Variants in APBA1 observed in about 807,000 individuals in gnomAD.
The protein encoded by APBA1 is amyloid-beta A4 precursor protein-binding family A member 1.
Under a neutral mutation model 86.6 loss-of-function variants are expected in APBA1, and 55 were observed. The observed-to-expected ratio is 0.64, with a 90% confidence interval of 0.51 to 0.80. APBA1 has a LOEUF of 0.80. APBA1 is among the 30% of genes least tolerant of loss of function. The pLI is 0.00. For synonymous variants in APBA1, 511 were observed against 493.9 expected, an observed-to-expected ratio of 1.03 and a Z score of -0.46; for missense variants, 1,090 against 1,183.0, an observed-to-expected ratio of 0.92 and a Z score of 1.15.
At chr9:69,483,558 A>G (rs1835558174) in intron 2 of APBA1, among the ~76,000 whole-genome samples, 1 of 152,172 alleles carries the variant, frequency 6.6e-6, no homozygotes, top group Admixed American at 6.5e-5. Context: ...TTTTCCAAAA[A>G]GTCTGAATTA....
intron 1 of APBA1, among the ~76,000 whole-genome samples, chr9:69,558,318 A>G (rs865835800): frequency 6.6e-6 from 1 of 152,222 alleles, no homozygotes; most frequent in East Asian, 1.9e-4. Context: ...ATCTGTTAAT[A>G]AATTATACTT....
chr9:69,531,566 C>T (rs1007255054), intron 1 of APBA1, among the ~76,000 whole-genome samples: 1 of 152,160 alleles, frequency 6.6e-6, no homozygotes, highest in Admixed American at 6.5e-5. Context: ...GCCTTGTCCT[C>T]CCTTTTGCCT....
intron 1 of APBA1, among the ~76,000 whole-genome samples, chr9:69,610,799 G>T (rs10867830): frequency 6.6e-6 from 1 of 151,906 alleles, no homozygotes; most frequent in Admixed American, 6.5e-5. Flanking sequence ...AGGCATGCCA[G>T]GTTCTCCAGG....
intron 1 of APBA1, among the ~76,000 whole-genome samples, chr9:69,548,428 A>T (rs1172514751): frequency 6.6e-6 from 1 of 152,174 alleles, no homozygotes; most frequent in Non-Finnish European, 1.5e-5. Context: ...GTTTTATGTC[A>T]CTACGTTTGT....
chr9:69,599,206 T>C (rs1448667075), intron 1 of APBA1, among the ~76,000 whole-genome samples: 1 of 152,244 alleles, frequency 6.6e-6, no homozygotes, highest in African/African-American at 2.4e-5. Flanking sequence ...GTAAATTTTA[T>C]ATTACATATA....
intron 5 of APBA1, among the ~76,000 whole-genome samples, chr9:69,459,794 C>T (rs1238817568): frequency 6.6e-6 from 1 of 152,222 alleles, no homozygotes; most frequent in African/African-American, 2.4e-5. Context: ...ATCTACCTCA[C>T]AGGGATATTT....
intron 1 of APBA1, among the ~76,000 whole-genome samples, chr9:69,555,314 T>A (rs935190722): frequency 6.6e-6 from 1 of 152,314 alleles, no homozygotes; most frequent in East Asian, 1.9e-4. Context: ...TGGTGCTAGA[T>A]ACCACACACC....
chr9:69,516,266 C>G lies in APBA1; in HGVS notation c.945G>C (p.Gly315=), dbSNP rs1836143644. ...TPAGGRPDSP[G]LQAPAGQQRA... is the part of the protein sequence containing the mutation. ...GCTGCTGCCCCGCCGGCGCCTGCAG[C>G]CCGGGGCTGTCGGGGCGACCCCCGG... The change falls in exon 2 of 13, where the codon GGG becomes GGC. Residue 315 remains glycine (G), a synonymous_variant. Transcript: ENST00000265381. This position sits in a 1 kb window ranked among gnomAD's most constrained non-coding sequence, Gnocchi z 7.3. 4 of 1,437,452 alleles carry G rather than the reference C, an allele frequency of 2.8e-6. No homozygotes were observed. In the East Asian group the frequency reaches 1.1e-4, roughly 41 times the overall value. 89.0% of individuals were successfully genotyped at this position (1,437,452 alleles called of 1,614,324 possible).
At position 69,672,282 on chromosome 9, in the gene APBA1, A is replaced by AGCGGCC. The variant is rs2134036986; in HGVS notation, c.-200_-199insGGCCGC. 1 of 176,320 alleles carries AGCGGCC rather than the reference A, an allele frequency of 5.7e-6. No individual in the cohort carries two copies. The highest frequency in any genetic ancestry group is 1.7e-4 in the East Asian group (1 of 5,850). The allele number at this position is 176,320 out of a possible 1,614,324, so 10.9% of individuals were successfully genotyped here. A position where few individuals can be genotyped will look rare whatever the true frequency, so the allele number is the denominator to read the frequency against. ...CAGCGCCACCATCTTCTCCCGCCGC[A>AGCGGCC]GCTGCCGCCGCCGCCGCCGCCGCCG... On this transcript the variant is annotated 5_prime_UTR_variant, in exon 1 of 13. Transcript: ENST00000265381.
At chr9:69,643,121 A>G (rs538459395) in intron 1 of APBA1, among the ~76,000 whole-genome samples, 10 of 152,150 alleles carry the variant, frequency 6.6e-5, no homozygotes, top group African/African-American at 2.2e-4. Flanking sequence ...GGCAGTTTTT[A>G]AATCAAATTA....
At chr9:69,459,537 C>T (rs1265521405) in intron 5 of APBA1, among the ~76,000 whole-genome samples, 2 of 152,182 alleles carry the variant, frequency 1.3e-5, no homozygotes, top group Non-Finnish European at 2.9e-5. Context: ...TTTTTATCTC[C>T]AGTAATACTT....
At chr9:69,441,158 GCAGA>G in intron 10 of APBA1, 43 bp from the exon 11 acceptor site, 1 of 1,587,576 alleles carries the variant, frequency 6.3e-7, no homozygotes, top group Non-Finnish European at 8.6e-7. Flanking sequence ...GACCACTGAG[GCAGA>G]CAGAATAAAC....
At chr9:69,632,600 T>C (rs578251561) in intron 1 of APBA1, among the ~76,000 whole-genome samples, 77 of 152,306 alleles carry the variant, frequency 5.1e-4, no homozygotes, top group African/African-American at 1.9e-3. Flanking sequence ...TGGTACAATG[T>C]AAGCTCTCAA....
rs76637497 is a variant in APBA1 at position 69,557,787 on chromosome 9, G to A, written c.-69-40508C>T. 4.4e-3 allele frequency among the ~76,000 whole-genome samples: 676 copies of A among 152,244 alleles called. 2 individuals carry two copies. The highest frequency in any genetic ancestry group is 0.015 in the African/African-American group (639 of 41,548). ...GTTTGCCACAAGCCTCAGTGCTCCC[G>A]GTTGTCTTCTATTTTGCCTGGTTTA... On this transcript the variant is annotated intron_variant, in intron 1 of 12. Coordinates refer to ENST00000265381, the MANE Select transcript of APBA1 (RefSeq NM_001163.4).
rs1371298037 is a variant in APBA1 at position 69,449,526 on chromosome 9, C to T, written c.2181+58G>A. ...TATACATTAATGACTGGATGGGGGT[C>T]ACACTTCACATCACTTGAGGTTTAC... is the stretch of plus-strand genomic sequence containing the variant. On this transcript the variant is annotated intron_variant, in intron 10 of 12. Transcript: ENST00000265381. 4.1e-6 allele frequency: 6 copies of T among 1,460,464 alleles called. No homozygotes were observed. The African/African-American group carries it at 8.3e-5, about 20-fold the overall frequency. 90.5% of individuals were successfully genotyped at this position (1,460,464 alleles called of 1,614,324 possible). A position where few individuals can be genotyped will look rare whatever the true frequency, so the allele number is the denominator to read the frequency against.
At chr9:69,601,831 C>G (rs1410262801) in intron 1 of APBA1, among the ~76,000 whole-genome samples, 1 of 152,194 alleles carries the variant, frequency 6.6e-6, no homozygotes, top group South Asian at 2.1e-4. Context: ...AACAAAACTA[C>G]TTTCCCGAAG....
chr9:69,516,445 C>T lies in APBA1; in HGVS notation c.766G>A (p.Ala256Thr), dbSNP rs1836150169. The change falls in exon 2 of 13, where the codon GCG (alanine) becomes ACG (threonine). Residue 256 changes from alanine to threonine, a missense_variant. Physicochemically the swap from Ala to Thr is moderately conservative, Grantham distance 58. Around this residue, in one of 6 missense-constraint regions of APBA1, gnomAD observed 678 missense variants for 647.1 expected, o/e 1.05. Transcript: ENST00000265381. This position sits in a 1 kb window ranked among gnomAD's most constrained non-coding sequence, Gnocchi z 7.3. ...SDSPEKEAEF[A>T]PYPRMDSYEQ... is the part of the protein sequence containing the mutation. ...TAGCTGTCCATGCGCGGGTAGGGCG[C>T]GAACTCGGCCTCCTTCTCGGGGCTG... is the stretch of plus-strand genomic sequence containing the variant. 2 of 1,603,996 alleles carry T rather than the reference C, an allele frequency of 1.2e-6. No homozygotes were observed. Among genetic ancestry groups the T allele is most frequent in the Non-Finnish European group, 1.7e-6 (2 of 1,178,710 alleles).
chr9:69,603,477 C>T (rs1166417282), intron 1 of APBA1, among the ~76,000 whole-genome samples: 2 of 152,230 alleles, frequency 1.3e-5, no homozygotes, highest in East Asian at 1.9e-4. Flanking sequence ...ACAATCACTG[C>T]TCCAAAGTGA....
At chr9:69,495,250 A>G (rs1161567057) in intron 2 of APBA1, among the ~76,000 whole-genome samples, 1 of 152,168 alleles carries the variant, frequency 6.6e-6, no homozygotes, top group Non-Finnish European at 1.5e-5. Context: ...AGGGAAATGC[A>G]GAGACCAACT....
Sources: allele counts gnomAD v4.1 joint callset (sites outside exome capture counted in the v4.1 genomes callset), GRCh38; gene constraint gnomAD v4.1.1; regional missense constraint gnomAD v4.1.1; non-coding constraint Gnocchi (gnomAD v3.1); transcripts MANE v1.5; gene names NCBI Gene and HGNC (gene_info 2026-07-23, HGNC 2026-07-21).